Variants in CNTNAP2 observed in about 807,000 individuals in gnomAD.
CNTNAP2 encodes contactin-associated protein-like 2.
CNTNAP2 carries 98 observed loss-of-function variants against 155.2 expected under a neutral mutation model. The ratio of observed to expected loss-of-function variants is 0.63; its 90% CI spans 0.54 to 0.75. The LOEUF (loss-of-function observed/expected upper bound fraction) is 0.75. Ranked by LOEUF, CNTNAP2 falls within the 30% of genes least tolerant of loss-of-function variation. The pLI is 0.00. For missense variants in CNTNAP2, 1,727 were observed against 1,688.1 expected, an observed-to-expected ratio of 1.02 and a Z score of -0.40; for synonymous variants, 651 against 631.2, an observed-to-expected ratio of 1.03 and a Z score of -0.47.
Position 146,313,221 on chromosome 7 carries a change from T to C in CNTNAP2, c.97+196248T>C, listed in dbSNP as rs550122219. 2.0e-3 allele frequency among the ~76,000 whole-genome samples: 310 copies of C among 152,338 alleles called. 3 individuals carry two copies. Among genetic ancestry groups the C allele is most frequent in the African/African-American group, 7.0e-3 (291 of 41,588 alleles). The stretch of plus-strand genomic sequence containing the variant: ...TCTCCACATCCTTGCCAATACTTGT[T>C]GGCATCAGTCGTTTTGATAATAGCC... On this transcript the variant is annotated intron_variant, in intron 1 of 23. Coordinates refer to ENST00000361727, the MANE Select transcript of CNTNAP2 (RefSeq NM_014141.6).
chr7:146,447,715 G>T (rs1796422051), intron 1 of CNTNAP2, among the ~76,000 whole-genome samples: 1 of 151,836 alleles, frequency 6.6e-6, no homozygotes, highest in Admixed American at 6.6e-5. Flanking sequence ...AATCACAGAA[G>T]TATTTATTTT....
intron 1 of CNTNAP2, among the ~76,000 whole-genome samples, chr7:146,760,789 G>C (rs1180593978): frequency 6.6e-6 from 1 of 151,712 alleles, no homozygotes. Flanking sequence ...AATAATGGCT[G>C]TACCACCCAG....
intron 3 of CNTNAP2, among the ~76,000 whole-genome samples, chr7:146,869,070 G>A (rs901157628): frequency 6.6e-6 from 1 of 152,114 alleles, no homozygotes; most frequent in South Asian, 2.1e-4. Context: ...CAAATATTGA[G>A]AGAGGGCATC....
At chr7:146,201,327 G>T (rs985311906) in intron 1 of CNTNAP2, among the ~76,000 whole-genome samples, 1 of 151,010 alleles carries the variant, frequency 6.6e-6, no homozygotes, top group Non-Finnish European at 1.5e-5. Flanking sequence ...GGAACTTTGA[G>T]TAATTATATG....
At chr7:146,973,421 T>G (rs779852864) in intron 3 of CNTNAP2, among the ~76,000 whole-genome samples, 1 of 152,254 alleles carries the variant, frequency 6.6e-6, no homozygotes, top group Non-Finnish European at 1.5e-5. Flanking sequence ...CCATTCACAC[T>G]GAAAGTACTA....
chr7:148,076,498 C>T (rs527737105), intron 15 of CNTNAP2, among the ~76,000 whole-genome samples: 3 of 139,142 alleles, frequency 2.2e-5, no homozygotes, highest in Non-Finnish European at 4.5e-5. Flanking sequence ...TGCAGTGGCC[C>T]GATCTCGGCT....
At chr7:146,452,321 A>G (rs907295221) in intron 1 of CNTNAP2, among the ~76,000 whole-genome samples, 21 of 152,188 alleles carry the variant, frequency 1.4e-4, no homozygotes, top group Non-Finnish European at 1.9e-4. Flanking sequence ...AAAAAGCATG[A>G]TACTCATTAT....
chr7:147,007,730 C>A (rs1220738158), intron 3 of CNTNAP2, among the ~76,000 whole-genome samples: 1 of 151,830 alleles, frequency 6.6e-6, no homozygotes, highest in African/African-American at 2.4e-5. Flanking sequence ...CTTAAAATAT[C>A]TGAGCATATT....
At chr7:146,730,251 C>T (rs1224886014) in intron 1 of CNTNAP2, among the ~76,000 whole-genome samples, 1 of 152,060 alleles carries the variant, frequency 6.6e-6, no homozygotes, top group Non-Finnish European at 1.5e-5. Flanking sequence ...GCTCTCTTTC[C>T]CTACTCCAAT....
At chr7:148,308,462 G>C (rs1336922006) in intron 21 of CNTNAP2, among the ~76,000 whole-genome samples, 4 of 151,700 alleles carry the variant, frequency 2.6e-5, no homozygotes, top group Non-Finnish European at 4.4e-5. Context: ...TTTTAAATTG[G>C]CATTTTTTAA....
intron 21 of CNTNAP2, among the ~76,000 whole-genome samples, chr7:148,364,030 C>T (rs1798680559): frequency 6.6e-6 from 1 of 152,240 alleles, no homozygotes; most frequent in Non-Finnish European, 1.5e-5. Context: ...CTCGCCGGGC[C>T]TTGGCTGCCT....
At chr7:146,324,973 T>C (rs1185768005) in intron 1 of CNTNAP2, among the ~76,000 whole-genome samples, 1 of 152,160 alleles carries the variant, frequency 6.6e-6, no homozygotes, top group African/African-American at 2.4e-5. Context: ...CCCACTCTGT[T>C]GCACAGGCTG....
At chr7:147,399,179 G>A (rs6967848) in intron 10 of CNTNAP2, among the ~76,000 whole-genome samples, 71,360 of 151,866 alleles carry the variant, frequency 0.47, 19,550 homozygotes, top group African/African-American at 0.77. Flanking sequence ...AGGAATAGAC[G>A]CCAGAACAAG....
Position 148,172,888 on chromosome 7 carries a change from T to C in CNTNAP2, c.3010+410T>C, listed in dbSNP as rs368293999. On this transcript the variant is annotated intron_variant, in intron 18 of 23. Coordinates refer to ENST00000361727, the MANE Select transcript of CNTNAP2 (RefSeq NM_014141.6). ...AATCAGCCAGTGCACCCCAGTGGTC[T>C]TGATGCCCCCACCCCCTGCAGTTGC... Among the ~76,000 whole-genome samples, 36 of 152,280 alleles carry C rather than the reference T, an allele frequency of 2.4e-4. No individual in the cohort carries two copies. The South Asian group carries it at 7.1e-3, about 30-fold the overall frequency.
rs1405462345 is a variant in CNTNAP2, at chr7:146,898,898, T to C, written c.402+58994T>C. 3.9e-5 allele frequency among the ~76,000 whole-genome samples: 6 copies of C among 152,122 alleles called. 1 individual carries two copies. Among genetic ancestry groups the C allele is most frequent in the African/African-American group, 1.4e-4 (6 of 41,436 alleles). ...TTTTTCTCATTAAAAAAAAAATTGC[T>C]ATCTCTACCTTCTTCCTCCCATTGC... On this transcript the variant is annotated intron_variant, in intron 3 of 23. Transcript: ENST00000361727.
chr7:146,845,669 A>G (rs1243316966), intron 3 of CNTNAP2, among the ~76,000 whole-genome samples: 1 of 152,200 alleles, frequency 6.6e-6, no homozygotes, highest in African/African-American at 2.4e-5. Flanking sequence ...GATTGAAAAT[A>G]TCTGACAATA....
chr7:146,457,196 A>AAATAC (rs141043806), intron 1 of CNTNAP2, among the ~76,000 whole-genome samples: 4,132 of 151,950 alleles, frequency 0.027, 135 homozygotes, highest in African/African-American at 0.073. Context: ...ATAATTCTGC[A>AAATAC]GTCACAGACG....
At chr7:146,906,808 C>T (rs1796139284) in intron 3 of CNTNAP2, among the ~76,000 whole-genome samples, 1 of 151,560 alleles carries the variant, frequency 6.6e-6, no homozygotes, top group African/African-American at 2.4e-5. Context: ...TGGAGAATGA[C>T]TTTGACGAGC....
intron 10 of CNTNAP2, among the ~76,000 whole-genome samples, chr7:147,464,525 A>G (rs1351137350): frequency 1.3e-5 from 2 of 151,762 alleles, no homozygotes; most frequent in Admixed American, 6.6e-5. Flanking sequence ...ACTGTGTCAC[A>G]AATGTGCTAT....
Sources: gnomAD v4.1 joint callset for allele counts (sites outside exome capture counted in the v4.1 genomes callset) on GRCh38, gnomAD v4.1.1 for gene constraint, MANE v1.5 for transcripts, NCBI Gene and HGNC (gene_info 2026-07-23, HGNC 2026-07-21) for gene names.